P2RX5: variants seen among roughly 807,000 people sequenced by gnomAD.
The protein encoded by P2RX5 is purinergic receptor P2X 5, also known as P2X purinoceptor 5.
P2RX5 carries 46 observed loss-of-function variants against 54.1 expected under a neutral mutation model. The observed-to-expected ratio is 0.85, with a 90% CI of 0.67 to 1.09. The LOEUF is 1.09. Among genes scored for constraint, P2RX5 ranks in the 50% least tolerant of loss-of-function variants. The pLI is 0.00. For missense variants in P2RX5, 566 were observed against 549.8 expected, an observed-to-expected ratio of 1.03 and a Z score of -0.29; for synonymous variants, 226 against 226.4, an observed-to-expected ratio of 1.00 and a Z score of 0.02.
Position 3,673,712 on chromosome 17 carries a change from T to G in P2RX5, c.*156A>C. On this transcript the variant is annotated 3_prime_UTR_variant, in exon 12 of 12. Transcript: ENST00000225328. ...CCCCAGCATCAGACGTGGAGGTCAC[T>G]TTGCTCTGTGATGGCTGGTCCCTGT... 1 of 1,582,770 alleles carries G rather than the reference T, an allele frequency of 6.3e-7. No individual in the cohort carries two copies. Among genetic ancestry groups the G allele is most frequent in the Non-Finnish European group, 8.6e-7 (1 of 1,164,950 alleles).
chr17:3,715,600 C>T, the P2RX5 span, among the ~76,000 whole-genome samples: 13 of 152,216 alleles, frequency 8.5e-5, no homozygotes, highest in East Asian at 2.1e-3. Context: ...TGCCTGTAAC[C>T]CCACCACTTC....
chr17:3,706,756 T>C, the P2RX5 span, among the ~76,000 whole-genome samples: 3 of 152,020 alleles, frequency 2.0e-5, no homozygotes, highest in Non-Finnish European at 2.9e-5. Context: ...GGACTACAGG[T>C]GCCCACCACC....
chr17:3,685,312 G>C (rs561327336), intron 9 of P2RX5, among the ~76,000 whole-genome samples: 1 of 152,126 alleles, frequency 6.6e-6, no homozygotes, highest in Non-Finnish European at 1.5e-5. Context: ...AAAGAGACTC[G>C]GGCTGTCACT....
intron 9 of P2RX5, chr17:3,682,362 G>A (rs919982319): frequency 8.5e-6 from 3 of 352,214 alleles, no homozygotes; most frequent in East Asian, 7.3e-5. Context: ...GGAGACAGGC[G>A]TGTCGATGAC....
At chr17:3,674,927 G>A (rs1468432319) in intron 11 of P2RX5, among the ~76,000 whole-genome samples, 1 of 152,242 alleles carries the variant, frequency 6.6e-6, no homozygotes, top group East Asian at 1.9e-4. Flanking sequence ...CTCGGGGGCA[G>A]GGATCGTGTC....
At chr17:3,680,427 A>T (rs1172703951) in intron 10 of P2RX5, among the ~76,000 whole-genome samples, 1 of 79,874 alleles carries the variant, frequency 1.3e-5, no homozygotes. Context: ...TCCACCCTGC[A>T]TCCTCCACCC....
rs142264131 is a variant in P2RX5, at chr17:3,691,696, G to C, written c.236C>G (p.Ser79Trp). 8 of 1,614,218 alleles carry C rather than the reference G, an allele frequency of 5.0e-6. No homozygotes were observed. The highest frequency in any genetic ancestry group is 2.2e-5 in the East Asian group (1 of 44,882). Reference sequence around the variant, plus strand: ...ATCCCAGATCCGCTGCCCAAGATCCGAGGTGTTGGTGAAGGCCACGCCCTT... The same window carrying C: ...ATCCCAGATCCGCTGCCCAAGATCCCAGGTGTTGGTGAAGGCCACGCCCTT... Reference protein sequence around the residue: ...KVKGVAFTNTSDLGQRIWDVA... With the variant: ...KVKGVAFTNTWDLGQRIWDVA... The change falls in exon 2 of 12, where the codon TCG becomes TGG. Residue 79 changes from serine to tryptophan, a missense_variant. By Grantham distance (177) the Ser-to-Trp change is radical (BLOSUM62 -3). Transcript: ENST00000225328.
At chr17:3,713,773 T>TA in the P2RX5 span, among the ~76,000 whole-genome samples, 1 of 149,822 alleles carries the variant, frequency 6.7e-6, no homozygotes, top group Non-Finnish European at 1.5e-5. Flanking sequence ...TAAAGTAAAA[T>TA]AAAAATTAAA....
At chr17:3,700,406 G>A (rs183223778), upstream of P2RX5, among the ~76,000 whole-genome samples, 55 of 152,092 alleles carry the variant, frequency 3.6e-4, no homozygotes, top group Middle Eastern at 3.4e-3. Context: ...GGTGGCACGC[G>A]CCTATAGTCC....
Position 3,690,898 on chromosome 17 carries a change from C to T in P2RX5, c.360+58G>A, listed in dbSNP as rs2050596044. The T allele has an allele frequency of 2.7e-6, 4 of 1,473,278 alleles. No individual in the cohort carries two copies. The African/African-American group carries it at 5.5e-5, about 20-fold the overall frequency. 91.3% of individuals were successfully genotyped at this position (1,473,278 alleles called of 1,614,324 possible). The stretch of plus-strand genomic sequence containing the variant: ...ACCCTTGCTTCAGAAGAGAGTAGAC[C>T]CCAACCACTGCCGGTGGCTCTCCCA... On this transcript the variant is annotated intron_variant, in intron 3 of 11. Transcript: ENST00000225328.
chr17:3,711,370 CTTTTTTTTTTTTTT>C, the P2RX5 span, among the ~76,000 whole-genome samples: 9 of 63,108 alleles, frequency 1.4e-4, no homozygotes, highest in Admixed American at 2.2e-4. Flanking sequence ...AGCACTCATT[CTTTTTTTTTTTTTT>C]TTTTTTTTTT....
chr17:3,683,380 T>A (rs1257533536), intron 9 of P2RX5, among the ~76,000 whole-genome samples: 2 of 152,222 alleles, frequency 1.3e-5, no homozygotes, highest in Non-Finnish European at 2.9e-5. Flanking sequence ...CCTGCGCCAT[T>A]ACTTCCAGTT....
intron 9 of P2RX5, among the ~76,000 whole-genome samples, chr17:3,684,004 C>T (rs975881724): frequency 1.3e-5 from 2 of 152,222 alleles, no homozygotes; most frequent in Admixed American, 6.5e-5. Context: ...CTGCCAGAAA[C>T]CTGGGAAAGG....
intron 9 of P2RX5, among the ~76,000 whole-genome samples, chr17:3,684,615 C>A (rs904277162): frequency 1.4e-5 from 2 of 145,474 alleles, no homozygotes; most frequent in African/African-American, 5.0e-5. Flanking sequence ...AAATCAACAT[C>A]CTCAGGGTCT....
rs766225045 is a variant in P2RX5 at position 3,688,081 on chromosome 17, TGC to T, written c.910_911del (p.Ala304SerfsTer17). 1 of 1,599,254 alleles carries T rather than the reference TGC, an allele frequency of 6.3e-7. No homozygotes were observed. Among genetic ancestry groups the T allele is most frequent in the East Asian group, 2.3e-5 (1 of 44,020 alleles). ...TCAGGGTGCGGAACTCCACCCCGGC[TGC>T]GTCTCGGTAATATCTGGCAAATCTG... ...NFRFARYYRD[A>X]AGVEFRTLMK... On this transcript the variant is annotated frameshift_variant, in exon 9 of 12. Transcript: ENST00000225328. LOFTEE classifies it high-confidence loss of function.
At chr17:3,708,007 G>A in the P2RX5 span, among the ~76,000 whole-genome samples, 1 of 141,984 alleles carries the variant, frequency 7.0e-6, no homozygotes, top group Non-Finnish European at 1.5e-5. Flanking sequence ...GCAGTGAGCC[G>A]AGATCATGCC....
At chr17:3,705,542 T>C in the P2RX5 span, among the ~76,000 whole-genome samples, 6 of 152,256 alleles carry the variant, frequency 3.9e-5, no homozygotes, top group South Asian at 1.0e-3. Context: ...GTCCACACGA[T>C]AGGATCTGTA....
the P2RX5 span, among the ~76,000 whole-genome samples, chr17:3,721,013 C>G: frequency 6.6e-6 from 1 of 152,178 alleles, no homozygotes; most frequent in Admixed American, 6.5e-5. Flanking sequence ...ACTATAGCCT[C>G]AACCTTCCAG....
At chr17:3,709,340 CTA>C in the P2RX5 span, among the ~76,000 whole-genome samples, 1 of 152,190 alleles carries the variant, frequency 6.6e-6, no homozygotes, top group East Asian at 1.9e-4. Context: ...ACTGATTTCA[CTA>C]TGAGAAATGT....
Sources: gnomAD v4.1 joint callset for allele counts (sites outside exome capture counted in the v4.1 genomes callset) on GRCh38, gnomAD v4.1.1 for gene constraint, MANE v1.5 for transcripts, NCBI Gene and HGNC (gene_info 2026-07-23, HGNC 2026-07-21) for gene names.